Variants in ING4 observed in about 807,000 individuals in gnomAD.
ING4 encodes the protein inhibitor of growth protein 4.
Under a neutral mutation model 33.1 loss-of-function variants are expected in ING4, and 28 were observed. The ratio of observed to expected loss-of-function variants is 0.85; its 90% confidence interval spans 0.63 to 1.16. The LOEUF is 1.16. Among genes scored for constraint, ING4 ranks in the 50% most tolerant of loss-of-function variants. The probability of loss-of-function intolerance (pLI) is 0.00; values close to 1 mark genes in which losing one functional copy is unlikely to be tolerated. For missense variants in ING4, 247 were observed against 314.7 expected (o/e 0.78, Z 1.63); for synonymous variants, 87 against 104.4 (o/e 0.83, Z 1.02).
chr12:6,654,756 G>A (rs1410720374), intron 2 of ING4, among the ~76,000 whole-genome samples: 1 of 151,472 alleles, frequency 6.6e-6, no homozygotes, highest in African/African-American at 2.4e-5. Flanking sequence ...ACGGAGTCAC[G>A]CTCTGTTGCC....
chr12:6,652,077 C>G (rs1477430631), intron 6 of ING4, among the ~76,000 whole-genome samples, 194 bp downstream of exon 6: 1 of 151,708 alleles, frequency 6.6e-6, no homozygotes, highest in Non-Finnish European at 1.5e-5. Flanking sequence ...CCAGGCTGGT[C>G]TCAAACTCCT....
At chr12:6,651,523 G>T in intron 6 of ING4, 138 bp from the exon 7 acceptor site, 1 of 686,614 alleles carries the variant, frequency 1.5e-6, no homozygotes, top group Non-Finnish European at 2.6e-6. Flanking sequence ...AGGCCAACCA[G>T]TTCCCACCAT....
At chr12:6,652,012 A>G (rs534831857) in intron 6 of ING4, among the ~76,000 whole-genome samples, 79 of 151,722 alleles carry the variant, frequency 5.2e-4, no homozygotes, top group African/African-American at 1.7e-3. Context: ...GTCGTGTGCC[A>G]CTATGCTCAG....
At chr12:6,660,169 G>A (rs572664239) in intron 1 of ING4, among the ~76,000 whole-genome samples, 1 of 152,164 alleles carries the variant, frequency 6.6e-6, no homozygotes, top group South Asian at 2.1e-4. Flanking sequence ...CTTTAAAAAT[G>A]CCTCTACTTG....
At chr12:6,657,107 T>C (rs1332112575) in intron 1 of ING4, among the ~76,000 whole-genome samples, 3 of 151,738 alleles carry the variant, frequency 2.0e-5, no homozygotes, top group African/African-American at 7.3e-5. Flanking sequence ...TGAGCCGTGA[T>C]TGAGCCACTG....
At chr12:6,656,495 G>C in intron 2 of ING4, 1 of 418,120 alleles carries the variant, frequency 2.4e-6, no homozygotes, top group Non-Finnish European at 4.2e-6. Flanking sequence ...AAGACATAAA[G>C]AACACAGCAT....
Position 6,653,287 on chromosome 12 carries a change from G to C in ING4, c.219C>G (p.Gly73=), listed in dbSNP as rs1305120520. Residue 73 remains glycine (G), a synonymous_variant, in exon 3 of 8, where the codon GGC becomes GGG. Transcript: ENST00000341550. ...TGTCGTCACCAAATTCCTTGCACTTGCCATAGGCTTCCTGGATCTGTTTGA... is the reference window on the plus strand; with the variant it reads ...TGTCGTCACCAAATTCCTTGCACTTCCCATAGGCTTCCTGGATCTGTTTGA... ...ALLKQIQEAY[G]KCKEFGDDKV... is the part of the protein sequence containing the mutation. 2 of 1,613,996 alleles carry C rather than the reference G, an allele frequency of 1.2e-6. No individual in the cohort carries two copies. The highest frequency in any genetic ancestry group is 2.7e-5 in the African/African-American group (2 of 74,904).
intron 6 of ING4, 44 bp from the exon 7 acceptor site, chr12:6,651,429 G>A (rs201702577): frequency 2.7e-5 from 41 of 1,521,714 alleles, no homozygotes; most frequent in Non-Finnish European, 3.6e-5. Flanking sequence ...GGAAGGGCCA[G>A]AGGAAGGAGA....
At chr12:6,657,783 A>G (rs1010085824) in intron 1 of ING4, 1 of 151,050 alleles carries the variant, frequency 6.6e-6, no homozygotes, top group African/African-American at 2.4e-5. Flanking sequence ...TATAAAAATT[A>G]GCCAGGTGTG....
At chr12:6,651,761 C>A (rs182456249) in intron 6 of ING4, among the ~76,000 whole-genome samples, 14 of 151,730 alleles carry the variant, frequency 9.2e-5, no homozygotes, top group African/African-American at 3.4e-4. Flanking sequence ...AGGCCAGTCT[C>A]GAACTCCTGA....
At chr12:6,654,361 CT>C (rs1205773659) in intron 2 of ING4, among the ~76,000 whole-genome samples, 2 of 150,068 alleles carry the variant, frequency 1.3e-5, no homozygotes, top group African/African-American at 4.9e-5. Context: ...CAGGGTCTCA[CT>C]CTATTGCCCA....
intron 4 of ING4, 56 bp downstream of exon 4, chr12:6,652,880 A>T: frequency 1.9e-6 from 3 of 1,550,436 alleles, no homozygotes; most frequent in Non-Finnish European, 1.8e-6. Context: ...TGAAGAGCTG[A>T]CTTCTTCTCC....
At chr12:6,654,591 C>A (rs1949293535) in intron 2 of ING4, among the ~76,000 whole-genome samples, 1 of 151,986 alleles carries the variant, frequency 6.6e-6, no homozygotes, top group Non-Finnish European at 1.5e-5. Context: ...CCTGCCTCAG[C>A]CTCCCAAAGT....
At chr12:6,659,706 G>A (rs986375992) in intron 1 of ING4, among the ~76,000 whole-genome samples, 2 of 151,672 alleles carry the variant, frequency 1.3e-5, no homozygotes, top group Admixed American at 1.3e-4. Context: ...CCAGCTACTC[G>A]GGAGGCTGAG....
Position 6,652,749 on chromosome 12 carries a change from T to C in ING4, c.410A>G (p.Lys137Arg). 1 of 1,614,132 alleles carries C rather than the reference T, an allele frequency of 6.2e-7. No homozygotes were observed. ...KGKKSRTQKE[K>R]KAARARSKGK... ...TTTGGAACGAGCACGAGCAGCTTTC[T>C]TCTCCTTTTGAGTCCGGCCTTCTAG... Residue 137 changes from lysine to arginine, a missense_variant, in exon 5 of 8, where the codon AAG (lysine) becomes AGG (arginine). Lys to Arg is a conservative substitution (Grantham distance 26). Coordinates refer to ENST00000341550, the MANE Select transcript of ING4 (RefSeq NM_016162.4).
intron 1 of ING4, 53 bp downstream of exon 1, chr12:6,663,012 C>G: frequency 1.3e-6 from 2 of 1,587,194 alleles, no homozygotes; most frequent in Non-Finnish European, 1.7e-6. Flanking sequence ...CCTCTCATCC[C>G]TGATCCCCGC....
chr12:6,656,738 T>G lies in ING4; in HGVS notation c.98A>C (p.Gln33Pro). ...RNFQLMRDLD[Q>P]RTEDLKAEID... ...TACTCTATACATACCCTCTGTTCTT[T>G]GGTCTAGGTCCCTCATGAGCTGAAA... Residue 33 changes from glutamine (Q) to proline (P), a missense_variant, in exon 2 of 8, where the codon CAA becomes CCA. Gln to Pro is a moderately conservative substitution (Grantham distance 76). Around this residue, in one of 3 missense-constraint regions of ING4, gnomAD observed 198 missense variants for 221.2 expected, o/e 0.89. Transcript: ENST00000341550. 1.9e-6 allele frequency: 3 copies of G among 1,568,946 alleles called. No homozygotes were observed. Among genetic ancestry groups the G allele is most frequent in the Non-Finnish European group, 2.6e-6 (3 of 1,160,288 alleles).
intron 2 of ING4, chr12:6,655,630 G>T: frequency 8.7e-7 from 1 of 1,143,158 alleles, no homozygotes; most frequent in South Asian, 1.8e-5. Flanking sequence ...AAGCAATCTG[G>T]TTCTCACCAT....
intron 1 of ING4, among the ~76,000 whole-genome samples, chr12:6,659,627 A>G (rs569662453): frequency 1.3e-5 from 2 of 152,202 alleles, no homozygotes; most frequent in African/African-American, 4.8e-5. Context: ...CCTGGCTAAC[A>G]TGGTGAAACC....
Sources: allele counts gnomAD v4.1 joint callset (sites outside exome capture counted in the v4.1 genomes callset), GRCh38; gene constraint gnomAD v4.1.1; regional missense constraint gnomAD v4.1.1; transcripts MANE v1.5; gene names NCBI Gene and HGNC (gene_info 2026-07-23, HGNC 2026-07-21).